MTUS2: variants seen among roughly 807,000 people sequenced by gnomAD.
MTUS2 encodes the protein microtubule associated scaffold protein 2.
In MTUS2, 40 loss-of-function variants were observed where a neutral mutation model predicts 114.1. The observed-to-expected ratio is 0.35, with a 90% CI of 0.27 to 0.46. MTUS2 has a LOEUF of 0.46. Among genes scored for constraint, MTUS2 ranks in the 20% least tolerant of loss-of-function variants. The probability of loss-of-function intolerance (pLI) is 1.00; values close to 1 mark genes in which losing one functional copy is unlikely to be tolerated. For missense variants in MTUS2, 1,679 were observed against 1,705.4 expected (o/e 0.98, Z 0.27); for synonymous variants, 688 against 672.0 (o/e 1.02, Z -0.37).
intron 4 of MTUS2, among the ~76,000 whole-genome samples, chr13:29,082,827 A>G (rs1035097469): frequency 2.0e-5 from 3 of 152,170 alleles, no homozygotes; most frequent in African/African-American, 7.2e-5. Flanking sequence ...TTCTTGTATC[A>G]GAAGTCCAGG....
chr13:29,456,952 A>T (rs1259839101), intron 9 of MTUS2, among the ~76,000 whole-genome samples: 1 of 151,894 alleles, frequency 6.6e-6, no homozygotes, highest in Non-Finnish European at 1.5e-5. Context: ...CCTGGCTAAC[A>T]TGGTGAAACC....
At chr13:29,067,993 C>T (rs754806820) in intron 4 of MTUS2, among the ~76,000 whole-genome samples, 3 of 152,116 alleles carry the variant, frequency 2.0e-5, no homozygotes, top group Non-Finnish European at 2.9e-5. Flanking sequence ...CTATTTTTTA[C>T]CACTGTTTTA....
chr13:29,111,743 A>G (rs1415388439), intron 5 of MTUS2, among the ~76,000 whole-genome samples: 3 of 152,202 alleles, frequency 2.0e-5, no homozygotes, highest in Non-Finnish European at 4.4e-5. Context: ...TTCCAAAGGC[A>G]GTAGACAGAG....
intron 7 of MTUS2, among the ~76,000 whole-genome samples, chr13:29,333,082 T>C (rs1900874824): frequency 6.6e-6 from 1 of 152,228 alleles, no homozygotes; most frequent in Admixed American, 6.5e-5. Flanking sequence ...TTTGTTCTCA[T>C]TGGTTTCAAA....
At chr13:29,446,462 G>C (rs899651138) in intron 9 of MTUS2, among the ~76,000 whole-genome samples, 1 of 152,142 alleles carries the variant, frequency 6.6e-6, no homozygotes, top group Non-Finnish European at 1.5e-5. Flanking sequence ...ATATATCAGA[G>C]TCTTCATACT....
intron 5 of MTUS2, among the ~76,000 whole-genome samples, chr13:29,267,129 T>TTA (rs1897695556): frequency 6.6e-6 from 1 of 152,094 alleles, no homozygotes; most frequent in African/African-American, 2.4e-5. Flanking sequence ...GAGGGGGGAT[T>TTA]TATATGTGAA....
intron 8 of MTUS2, among the ~76,000 whole-genome samples, chr13:29,372,045 G>A (rs1348813153): frequency 2.2e-5 from 3 of 135,748 alleles, no homozygotes; most frequent in Non-Finnish European, 3.0e-5. Context: ...TAATTAGCTT[G>A]ATTGTGGTAA....
At chr13:29,316,819 C>T (rs1024566074) in intron 6 of MTUS2, among the ~76,000 whole-genome samples, 6 of 152,196 alleles carry the variant, frequency 3.9e-5, no homozygotes, top group African/African-American at 1.4e-4. Context: ...AGGTAACATA[C>T]ACAGAAGCAA....
chr13:29,187,860 G>A (rs571733646), intron 5 of MTUS2, among the ~76,000 whole-genome samples: 2 of 152,180 alleles, frequency 1.3e-5, no homozygotes, highest in South Asian at 4.1e-4. Flanking sequence ...CTGGTCCTCT[G>A]TCTTCATTCA....
chr13:29,331,629 C>T (rs1039261478), intron 7 of MTUS2, among the ~76,000 whole-genome samples: 1 of 152,136 alleles, frequency 6.6e-6, no homozygotes, highest in Non-Finnish European at 1.5e-5. Flanking sequence ...GGATCCTTGT[C>T]TTGTGCCAGT....
intron 5 of MTUS2, among the ~76,000 whole-genome samples, chr13:29,269,935 A>G (rs748976921): frequency 1.3e-5 from 2 of 152,190 alleles, no homozygotes; most frequent in Non-Finnish European, 2.9e-5. Flanking sequence ...ACATTATCCT[A>G]AGTGAAATAA....
intron 7 of MTUS2, among the ~76,000 whole-genome samples, chr13:29,334,686 TGC>T (rs1264269020): frequency 1.3e-5 from 2 of 152,178 alleles, no homozygotes; most frequent in African/African-American, 4.8e-5. Context: ...GTCTTAGGGG[TGC>T]TCTTCTCGAG....
At chr13:29,065,566 C>A (rs909899133) in intron 4 of MTUS2, among the ~76,000 whole-genome samples, 11 of 152,046 alleles carry the variant, frequency 7.2e-5, no homozygotes, top group Admixed American at 1.3e-4. Context: ...AATATTTTCC[C>A]CTGTAAATTT....
chr13:29,276,203 G>A (rs1353534116), intron 5 of MTUS2, among the ~76,000 whole-genome samples: 1 of 152,156 alleles, frequency 6.6e-6, no homozygotes, highest in Non-Finnish European at 1.5e-5. Context: ...TGCATTCCCC[G>A]AGGATTTGAT....
intron 8 of MTUS2, among the ~76,000 whole-genome samples, chr13:29,401,831 A>AT (rs766463613): frequency 6.6e-6 from 1 of 152,096 alleles, no homozygotes; most frequent in African/African-American, 2.4e-5. Context: ...ATTCTCTTAC[A>AT]TTTTCTCCTC....
chr13:29,093,985 T>C (rs149838738), intron 4 of MTUS2, among the ~76,000 whole-genome samples: 1 of 152,330 alleles, frequency 6.6e-6, no homozygotes, highest in Non-Finnish European at 1.5e-5. Context: ...ATATGGTTTT[T>C]CTTTATTAAT....
At chr13:29,337,984 T>C (rs2138097621) in intron 7 of MTUS2, among the ~76,000 whole-genome samples, 1 of 149,332 alleles carries the variant, frequency 6.7e-6, no homozygotes, top group African/African-American at 2.5e-5. Flanking sequence ...GAGACAGGGT[T>C]TCACCATGTT....
chr13:29,350,107 C>G (rs1454095236), intron 7 of MTUS2, among the ~76,000 whole-genome samples: 1 of 151,872 alleles, frequency 6.6e-6, no homozygotes, highest in Non-Finnish European at 1.5e-5. Context: ...CTTGCTATAT[C>G]TTCACTACTT....
At chr13:29,364,053 T>G (rs1009442907) in intron 8 of MTUS2, among the ~76,000 whole-genome samples, 2 of 152,196 alleles carry the variant, frequency 1.3e-5, no homozygotes, top group African/African-American at 2.4e-5. Context: ...GTTTTTCCAC[T>G]ATATTATGAT....
Sources: gnomAD v4.1 joint callset for allele counts (sites outside exome capture counted in the v4.1 genomes callset) on GRCh38, gnomAD v4.1.1 for gene constraint, MANE v1.5 for transcripts, NCBI Gene and HGNC (gene_info 2026-07-23, HGNC 2026-07-21) for gene names.